Variants in P4HA1 observed in about 807,000 individuals in gnomAD.
The protein encoded by P4HA1 is prolyl 4-hydroxylase subunit alpha-1.
In P4HA1, 24 loss-of-function variants were observed where a neutral mutation model predicts 72.8. The observed-to-expected ratio is 0.33, with a 90% CI of 0.24 to 0.46. The LOEUF (loss-of-function observed/expected upper bound fraction) is 0.46. Among genes scored for constraint, P4HA1 ranks in the 20% least tolerant of loss-of-function variants. The pLI, the probability that P4HA1 is intolerant of heterozygous loss-of-function variation, is 1.00. For synonymous variants in P4HA1, 201 were observed against 218.8 expected, an observed-to-expected ratio of 0.92 and a Z score of 0.72; for missense variants, 446 against 640.6, an observed-to-expected ratio of 0.70 and a Z score of 3.28.
At chr10:73,016,810 A>G in intron 11 of P4HA1, 36 bp downstream of exon 11, 1 of 1,477,136 alleles carries the variant, frequency 6.8e-7, no homozygotes, top group Non-Finnish European at 9.5e-7. Context: ...GTAATGCATA[A>G]GCCTCAGTGA....
chr10:73,090,993 A>C (rs1842016723), intron 1 of P4HA1, among the ~76,000 whole-genome samples: 1 of 147,262 alleles, frequency 6.8e-6, no homozygotes, highest in Admixed American at 6.9e-5. Context: ...CCCAGGAGGC[A>C]GAGGTTGCCG....
At chr10:73,033,979 A>G (rs1840502238) in intron 9 of P4HA1, among the ~76,000 whole-genome samples, 1 of 152,204 alleles carries the variant, frequency 6.6e-6, no homozygotes, top group Non-Finnish European at 1.5e-5. Flanking sequence ...GCACTTTGGG[A>G]AGCCAAGGCA....
chr10:73,040,315 AG>A (rs1350812138), intron 9 of P4HA1, among the ~76,000 whole-genome samples: 3 of 151,960 alleles, frequency 2.0e-5, no homozygotes, highest in Non-Finnish European at 4.4e-5. Flanking sequence ...AGCAATATTT[AG>A]TTTTTTTTTT....
chr10:73,053,797 G>C (rs925037318), intron 5 of P4HA1, among the ~76,000 whole-genome samples: 1 of 151,928 alleles, frequency 6.6e-6, no homozygotes, highest in Non-Finnish European at 1.5e-5. Context: ...TGGTATTAGG[G>C]GACACAGAAC....
chr10:73,030,713 C>A (rs1286903916), intron 9 of P4HA1, among the ~76,000 whole-genome samples: 1 of 152,160 alleles, frequency 6.6e-6, no homozygotes, highest in Admixed American at 6.5e-5. Flanking sequence ...AAACAACGTT[C>A]TTTCCAGGTA....
intron 2 of P4HA1, 116 bp downstream of exon 2, chr10:73,074,692 G>A: frequency 1.6e-6 from 1 of 623,470 alleles, no homozygotes; most frequent in East Asian, 2.9e-5. Context: ...TAGGGGGCAG[G>A]GAATAAACCT....
In P4HA1 at chr10:73,071,060, C is replaced by T. The variant is rs118074048; in HGVS notation, c.325+969G>A. ...AATTGGCCTGGCGTGGTGGTCTATG[C>T]TTGTAGTGCTAGCTACTGAGGAGGC... On this transcript the variant is annotated intron_variant, in intron 4 of 14. Coordinates refer to ENST00000394890, the MANE Select transcript of P4HA1 (RefSeq NM_001017962.3). 5.6e-3 allele frequency among the ~76,000 whole-genome samples: 845 copies of T among 151,866 alleles called. 4 individuals are homozygous for T. Among genetic ancestry groups the T allele is most frequent in the Non-Finnish European group, 8.1e-3 (552 of 67,966 alleles).
At chr10:73,039,177 G>A (rs1377004425) in intron 9 of P4HA1, among the ~76,000 whole-genome samples, 3 of 151,962 alleles carry the variant, frequency 2.0e-5, no homozygotes, top group African/African-American at 4.8e-5. Flanking sequence ...CCAGCTACTC[G>A]GGAGACTGAG....
intron 1 of P4HA1, among the ~76,000 whole-genome samples, chr10:73,096,346 G>T (rs1842164566): frequency 6.6e-6 from 1 of 152,206 alleles, no homozygotes; most frequent in South Asian, 2.1e-4. Flanking sequence ...CTGCGGCTGT[G>T]GCGGCCAAAA....
chr10:73,027,003 G>C (rs1027957003), intron 10 of P4HA1, among the ~76,000 whole-genome samples: 56 of 152,304 alleles, frequency 3.7e-4, no homozygotes, highest in African/African-American at 1.3e-3. Flanking sequence ...GTTGGTGGGA[G>C]TGTAAATTAG....
chr10:73,091,813 T>C (rs1426221237), intron 1 of P4HA1, among the ~76,000 whole-genome samples: 1 of 152,232 alleles, frequency 6.6e-6, no homozygotes, highest in Non-Finnish European at 1.5e-5. Flanking sequence ...CCTATAACAT[T>C]ACTCAAATAC....
chr10:73,046,271 T>C (rs1840861454), intron 8 of P4HA1, among the ~76,000 whole-genome samples: 1 of 152,172 alleles, frequency 6.6e-6, no homozygotes. Context: ...AGCTTGTATT[T>C]TACTATCAAG....
At chr10:73,066,292 A>G (rs903328231) in intron 5 of P4HA1, among the ~76,000 whole-genome samples, 2 of 152,186 alleles carry the variant, frequency 1.3e-5, no homozygotes, top group Non-Finnish European at 1.5e-5. Context: ...GAACTAGCCC[A>G]AAACTGTGAT....
At chr10:73,028,282 A>G (rs1840338718) in intron 10 of P4HA1, among the ~76,000 whole-genome samples, 1 of 150,944 alleles carries the variant, frequency 6.6e-6, no homozygotes, top group Non-Finnish European at 1.5e-5. Flanking sequence ...ACGGAGTAGG[A>G]TGGCATCAAA....
chr10:73,055,274 A>C (rs1016159170), intron 5 of P4HA1, among the ~76,000 whole-genome samples: 8 of 152,174 alleles, frequency 5.3e-5, no homozygotes, highest in Non-Finnish European at 7.3e-5. Flanking sequence ...ACACGATCTC[A>C]GCTCACTGCA....
chr10:73,073,913 A>G, intron 2 of P4HA1, 86 bp from the exon 3 acceptor site: 2 of 744,216 alleles, frequency 2.7e-6, no homozygotes, highest in Admixed American at 3.9e-5. Flanking sequence ...GTTTCATTCT[A>G]TGAGACAATT....
chr10:73,086,933 C>CAAA (rs59200288), intron 1 of P4HA1, among the ~76,000 whole-genome samples: 1,747 of 33,060 alleles, frequency 0.053, 214 homozygotes, highest in African/African-American at 0.15. Flanking sequence ...GAGTGCATCT[C>CAAA]AAAAAAAAAA....
At position 73,074,748 on chromosome 10, in the gene P4HA1, C is replaced by G. The variant is rs1841655624; in HGVS notation, c.76+60G>C. On this transcript the variant is annotated intron_variant, in intron 2 of 14. Transcript: ENST00000394890. ...ATTTGTTTTTGCTGATTTTAAAACA[C>G]TAAAAAATGGAAATTAAAAAATGCA... 12 of 900,060 alleles carry G rather than the reference C, an allele frequency of 1.3e-5. No homozygotes were observed. In the South Asian group the frequency reaches 1.5e-4, roughly 11 times the overall value. 55.8% of individuals were successfully genotyped at this position (900,060 alleles called of 1,614,324 possible). A position where few individuals can be genotyped will look rare whatever the true frequency, so the allele number is the denominator to read the frequency against.
Position 73,082,438 on chromosome 10 carries a change from G to C in P4HA1, c.-32-7523C>G, listed in dbSNP as rs150946110. On this transcript the variant is annotated intron_variant, in intron 1 of 14. Coordinates refer to ENST00000394890, the MANE Select transcript of P4HA1 (RefSeq NM_001017962.3). ...AATTTTCAAAAGTTTATATCTCCCA[G>C]ACAAATCATTCAAAAATTAATAAGG... 1.2e-4 allele frequency: 18 copies of C among 152,250 alleles called. No individual in the cohort carries two copies. In the East Asian group the frequency reaches 3.5e-3, roughly 29 times the overall value. 9.4% of individuals were successfully genotyped at this position (152,250 alleles called of 1,614,324 possible). A position where few individuals can be genotyped will look rare whatever the true frequency, so the allele number is the denominator to read the frequency against.
Sources: allele counts gnomAD v4.1 joint callset (sites outside exome capture counted in the v4.1 genomes callset), GRCh38; gene constraint gnomAD v4.1.1; transcripts MANE v1.5; gene names NCBI Gene and HGNC (gene_info 2026-07-23, HGNC 2026-07-21).